NRXN1: variants seen among roughly 807,000 people sequenced by gnomAD.
NRXN1 encodes neurexin-1.
A neutral mutation model predicts 150.9 loss-of-function variants in NRXN1; 39 were observed. The observed-to-expected ratio is 0.26, with a 90% confidence interval of 0.20 to 0.34. The LOEUF (loss-of-function observed/expected upper bound fraction) is 0.34, where lower values mean the gene tolerates loss of function less well. Among genes scored for constraint, NRXN1 ranks in the 10% least tolerant of loss-of-function variants. The pLI, the probability that NRXN1 is intolerant of heterozygous loss-of-function variation, is 1.00. For synonymous variants in NRXN1, 924 were observed against 757.0 expected (o/e 1.22, Z -3.62); for missense variants, 1,815 against 1,949.9 (o/e 0.93, Z 1.30).
At chr2:50,019,620 A>G (rs1457303844) in intron 21 of NRXN1, among the ~76,000 whole-genome samples, 3 of 96,824 alleles carry the variant, frequency 3.1e-5, no homozygotes, top group Admixed American at 2.6e-4. Flanking sequence ...CCAGCCTGTA[A>G]GAAGGAGCAA....
At chr2:50,848,109 G>C (rs1051037010) in intron 5 of NRXN1, among the ~76,000 whole-genome samples, 6 of 152,114 alleles carry the variant, frequency 3.9e-5, no homozygotes. Context: ...CGCCCACTGG[G>C]GTTTCAGGAG....
intron 5 of NRXN1, among the ~76,000 whole-genome samples, chr2:50,680,767 A>T (rs2104796382): frequency 6.6e-6 from 1 of 152,250 alleles, no homozygotes; most frequent in Middle Eastern, 3.4e-3. Context: ...AAGTGAAAAA[A>T]AAAAAAGCTA....
At chr2:50,869,948 G>A (rs1168992997) in intron 5 of NRXN1, among the ~76,000 whole-genome samples, 1 of 151,858 alleles carries the variant, frequency 6.6e-6, no homozygotes, top group Non-Finnish European at 1.5e-5. Context: ...ACCATGACAA[G>A]TTTGGGGAAT....
intron 5 of NRXN1, among the ~76,000 whole-genome samples, chr2:50,883,837 A>G (rs2103728413): frequency 6.6e-6 from 1 of 151,942 alleles, no homozygotes; most frequent in African/African-American, 2.4e-5. Flanking sequence ...AACTGTGATG[A>G]TTCCATTTTT....
intron 18 of NRXN1, among the ~76,000 whole-genome samples, chr2:50,142,678 A>G (rs1707450067): frequency 6.6e-6 from 1 of 152,008 alleles, no homozygotes; most frequent in African/African-American, 2.4e-5. Context: ...AAATACTTTA[A>G]AATTCCTTAA....
intron 22 of NRXN1, among the ~76,000 whole-genome samples, chr2:49,928,118 T>A (rs1196847863): frequency 1.3e-5 from 2 of 151,106 alleles, no homozygotes; most frequent in African/African-American, 2.5e-5. Flanking sequence ...GAAAAAAACA[T>A]GCTAGTGGTT....
At chr2:50,014,515 C>T (rs1270671734) in intron 21 of NRXN1, among the ~76,000 whole-genome samples, 1 of 152,094 alleles carries the variant, frequency 6.6e-6, no homozygotes, top group Non-Finnish European at 1.5e-5. Flanking sequence ...ACCAAAACAT[C>T]CCCACACAAC....
At chr2:50,628,283 C>A (rs1328944128) in intron 5 of NRXN1, among the ~76,000 whole-genome samples, 2 of 151,626 alleles carry the variant, frequency 1.3e-5, no homozygotes, top group Non-Finnish European at 3.0e-5. Context: ...ATGATATTCC[C>A]CTTACTTAAA....
intron 21 of NRXN1, among the ~76,000 whole-genome samples, chr2:50,043,639 G>A (rs894924904): frequency 1.3e-5 from 2 of 152,172 alleles, no homozygotes; most frequent in African/African-American, 2.4e-5. Flanking sequence ...AGGGACAGCT[G>A]ATGCAAAGGT....
At chr2:50,555,162 C>A (rs530929170) in intron 8 of NRXN1, among the ~76,000 whole-genome samples, 3 of 152,184 alleles carry the variant, frequency 2.0e-5, no homozygotes, top group African/African-American at 7.2e-5. Context: ...TGTGGACATT[C>A]TTTTGACATA....
intron 10 of NRXN1, among the ~76,000 whole-genome samples, chr2:50,531,792 T>C (rs559886845): frequency 2.0e-5 from 3 of 152,214 alleles, no homozygotes; most frequent in African/African-American, 7.2e-5. Flanking sequence ...AGTGTGAGCC[T>C]AGTTTGAAAC....
At chr2:50,115,240 T>TATATATATATATATATATATATAC (rs1270800103) in intron 18 of NRXN1, among the ~76,000 whole-genome samples, 1 of 133,986 alleles carries the variant, frequency 7.5e-6, no homozygotes, top group African/African-American at 2.7e-5. Flanking sequence ...TATATATATA[T>TATATATATATATATATATATATAC]ACACACACAC....
At chr2:50,186,175 T>C (rs2061058361) in intron 18 of NRXN1, among the ~76,000 whole-genome samples, 2 of 152,098 alleles carry the variant, frequency 1.3e-5, no homozygotes, top group African/African-American at 4.8e-5. Flanking sequence ...CTTGTGGCCA[T>C]AACTCTCACA....
At chr2:50,017,152 C>A (rs1425952692) in intron 21 of NRXN1, among the ~76,000 whole-genome samples, 1 of 152,092 alleles carries the variant, frequency 6.6e-6, no homozygotes, top group Admixed American at 6.5e-5. Context: ...GTACAATAAT[C>A]CTTCCCTGCT....
At chr2:50,810,753 A>C (rs1453234043) in intron 5 of NRXN1, among the ~76,000 whole-genome samples, 1 of 152,156 alleles carries the variant, frequency 6.6e-6, no homozygotes, top group Non-Finnish European at 1.5e-5. Context: ...AGGACTAGGC[A>C]GGTGGATCAA....
chr2:50,725,844 C>T (rs1697292251), intron 5 of NRXN1, among the ~76,000 whole-genome samples: 1 of 152,082 alleles, frequency 6.6e-6, no homozygotes, highest in African/African-American at 2.4e-5. Flanking sequence ...AAGCAAACCT[C>T]ATTAATATTC....
At chr2:50,669,985 G>A (rs1368363912) in intron 5 of NRXN1, among the ~76,000 whole-genome samples, 1 of 151,730 alleles carries the variant, frequency 6.6e-6, no homozygotes, top group Non-Finnish European at 1.5e-5. Context: ...ACATGAACCA[G>A]TAATTCCAAC....
At position 50,098,198 on chromosome 2, in the gene NRXN1, G is replaced by A. The variant is rs552608463; in HGVS notation, c.3547-6704C>T. ...AATTCATTCAGGTAACTAATAAAAAGTATGTAATATGCACCCAGCATTTTC... is the reference window on the plus strand; with the variant it reads ...AATTCATTCAGGTAACTAATAAAAAATATGTAATATGCACCCAGCATTTTC... On this transcript the variant is annotated intron_variant, in intron 18 of 22. Coordinates refer to ENST00000401669, the MANE Select transcript of NRXN1 (RefSeq NM_001330078.2). Among the ~76,000 whole-genome samples the A allele has an allele frequency of 1.4e-4, 22 of 152,252 alleles. No individual in the cohort carries two copies. The East Asian group carries it at 4.2e-3, about 29-fold the overall frequency.
chr2:51,011,814 T>C (rs1667921871), intron 2 of NRXN1, among the ~76,000 whole-genome samples: 1 of 151,906 alleles, frequency 6.6e-6, no homozygotes, highest in East Asian at 1.9e-4. Flanking sequence ...ATCACTCCAG[T>C]AGTAGAGACA....
Sources: allele counts gnomAD v4.1 joint callset (sites outside exome capture counted in the v4.1 genomes callset), GRCh38; gene constraint gnomAD v4.1.1; transcripts MANE v1.5; gene names NCBI Gene and HGNC (gene_info 2026-07-23, HGNC 2026-07-21).